The following REC114 variants were observed in gnomAD, a reference collection of about 807,000 sequenced individuals.
REC114 encodes the protein REC114 meiotic recombination protein, also known as meiotic recombination protein REC114.
Under a neutral mutation model 31.3 loss-of-function variants are expected in REC114, and 27 were observed. The observed-to-expected ratio is 0.86, with a 90% CI of 0.64 to 1.19. REC114 has a LOEUF of 1.19. REC114 is among the 50% of genes most tolerant of loss of function. REC114 has a pLI of 0.00. For synonymous variants in REC114, 134 were observed against 127.7 expected, an observed-to-expected ratio of 1.05 and a Z score of -0.33; for missense variants, 344 against 326.9, an observed-to-expected ratio of 1.05 and a Z score of -0.40.
At chr15:73,482,702 A>G (rs10162605) in intron 2 of REC114, among the ~76,000 whole-genome samples, 25,004 of 152,124 alleles carry the variant, frequency 0.16, 3,283 homozygotes, top group African/African-American at 0.37. Context: ...ATATTCTACT[A>G]TAGGTATATA....
chr15:73,520,645 C>A lies in REC114; in HGVS notation c.250-19840C>A, dbSNP rs144280477. Among the ~76,000 whole-genome samples the A allele has an allele frequency of 5.6e-4, 85 of 152,204 alleles. 1 individual carries two copies. The highest frequency in any genetic ancestry group is 1.8e-3 in the African/African-American group (76 of 41,538). ...CACGAACCTCCCTGCCCCATTTTGC[C>A]CTGGATATGCCTCTGAACTATGTGG... On this transcript the variant is annotated intron_variant, in intron 2 of 5. Coordinates refer to ENST00000331090, the MANE Select transcript of REC114 (RefSeq NM_001042367.2).
At chr15:73,448,114 C>T (rs796827386) in intron 1 of REC114, among the ~76,000 whole-genome samples, 6 of 150,726 alleles carry the variant, frequency 4.0e-5, no homozygotes, top group African/African-American at 1.2e-4. Context: ...TTTTTTTTCA[C>T]ACGCCAGTGG....
At chr15:73,497,784 T>C (rs535786584) in intron 2 of REC114, among the ~76,000 whole-genome samples, 6 of 152,320 alleles carry the variant, frequency 3.9e-5, no homozygotes, top group African/African-American at 1.2e-4. Flanking sequence ...TGTCCACTTA[T>C]TTCTATAGGG....
chr15:73,459,013 A>G lies in REC114; in HGVS notation c.160-14819A>G, dbSNP rs749758273. On this transcript the variant is annotated intron_variant, in intron 1 of 5. Transcript: ENST00000331090. ...ATTCTTTGAGCCCCTGGTTGGAATA[A>G]CAAAAACAACTACTTAATGAGTAAT... Among the ~76,000 whole-genome samples, 5 of 152,134 alleles carry G rather than the reference A, an allele frequency of 3.3e-5. 1 individual carries two copies. The highest frequency in any genetic ancestry group is 1.3e-4 in the Admixed American group (2 of 15,274).
At chr15:73,512,186 T>C (rs1396394737) in intron 2 of REC114, among the ~76,000 whole-genome samples, 37 of 127,382 alleles carry the variant, frequency 2.9e-4, no homozygotes, top group African/African-American at 1.4e-3. Context: ...TTGATCTCTT[T>C]ACCATTATGT....
At chr15:73,496,651 C>CA (rs202054841) in intron 2 of REC114, among the ~76,000 whole-genome samples, 6,843 of 84,522 alleles carry the variant, frequency 0.081, 189 homozygotes, top group South Asian at 0.15. Flanking sequence ...AGACTCCATC[C>CA]AAAAAAAAAA....
At chr15:73,534,730 AG>A (rs1481209762) in intron 2 of REC114, among the ~76,000 whole-genome samples, 8 of 131,590 alleles carry the variant, frequency 6.1e-5, no homozygotes, top group Admixed American at 4.3e-4. Flanking sequence ...ACAACAAAAA[AG>A]AGAATTTTAG....
At chr15:73,446,085 A>C (rs948341212) in intron 1 of REC114, among the ~76,000 whole-genome samples, 1 of 152,220 alleles carries the variant, frequency 6.6e-6, no homozygotes. Flanking sequence ...CCATTGCATA[A>C]GCTAATACAT....
rs78956521 is a variant in REC114 at position 73,486,332 on chromosome 15, G to A, written c.249+12411G>A. On this transcript the variant is annotated intron_variant, in intron 2 of 5. Coordinates refer to ENST00000331090, the MANE Select transcript of REC114 (RefSeq NM_001042367.2). ...AGGCTGGTCTCGAGCTCCTGACCGC[G>A]TGATCTGCCCGTCTTGGCCTCCCAA... Among the ~76,000 whole-genome samples the A allele has an allele frequency of 0.017, 2,610 of 152,166 alleles. 145 individuals carry two copies. In the East Asian group the frequency reaches 0.19, roughly 11 times the overall value.
At chr15:73,535,924 G>A (rs1894150010) in intron 2 of REC114, among the ~76,000 whole-genome samples, 1 of 150,294 alleles carries the variant, frequency 6.7e-6, no homozygotes, top group Non-Finnish European at 1.5e-5. Flanking sequence ...AAGCAATGGG[G>A]AAAGGATTCC....
chr15:73,548,344 T>C (rs1466474779), intron 3 of REC114, among the ~76,000 whole-genome samples: 1 of 152,242 alleles, frequency 6.6e-6, no homozygotes, highest in Non-Finnish European at 1.5e-5. Context: ...CTTGACCTTG[T>C]GATCCTCCTG....
Position 73,493,630 on chromosome 15 carries a change from A to T in REC114, c.249+19709A>T, listed in dbSNP as rs116250206. Among the ~76,000 whole-genome samples, 135 of 152,266 alleles carry T rather than the reference A, an allele frequency of 8.9e-4. 1 individual carries two copies. Among genetic ancestry groups the T allele is most frequent in the African/African-American group, 3.2e-3 (134 of 41,532 alleles). ...CTTAGAAACTAATAGTTTCCTTTCA[A>T]ATATTACATAAGAGACCTGGCTAAT... On this transcript the variant is annotated intron_variant, in intron 2 of 5. Coordinates refer to ENST00000331090, the MANE Select transcript of REC114 (RefSeq NM_001042367.2).
At chr15:73,507,560 G>C (rs1023551132) in intron 2 of REC114, among the ~76,000 whole-genome samples, 2 of 152,108 alleles carry the variant, frequency 1.3e-5, no homozygotes, top group African/African-American at 4.8e-5. Flanking sequence ...GAAATGAGAA[G>C]AGGATTTACT....
intron 2 of REC114, among the ~76,000 whole-genome samples, chr15:73,539,281 G>GTTT (rs1894206286): frequency 2.0e-5 from 2 of 101,176 alleles, no homozygotes; most frequent in African/African-American, 8.9e-5. Flanking sequence ...TTTCAGAACT[G>GTTT]ATTTTTTTTT....
intron 2 of REC114, among the ~76,000 whole-genome samples, chr15:73,489,385 TA>T (rs1390603470): frequency 2.0e-5 from 3 of 151,808 alleles, no homozygotes; most frequent in African/African-American, 7.3e-5. Context: ...TGTATTTTTT[TA>T]GTAGAGATGG....
intron 3 of REC114, among the ~76,000 whole-genome samples, chr15:73,548,995 T>C (rs1260415128): frequency 2.0e-5 from 3 of 151,842 alleles, no homozygotes; most frequent in African/African-American, 4.8e-5. Context: ...CATGAATACA[T>C]AGAGGGGAAC....
chr15:73,502,588 C>CAAT (rs1893617661), intron 2 of REC114, among the ~76,000 whole-genome samples: 3 of 152,192 alleles, frequency 2.0e-5, no homozygotes, highest in African/African-American at 7.2e-5. Flanking sequence ...TCTTCATTGT[C>CAAT]ATCATCTTCA....
intron 4 of REC114, among the ~76,000 whole-genome samples, chr15:73,555,269 T>C (rs1288341929): frequency 2.0e-5 from 3 of 152,112 alleles, no homozygotes; most frequent in African/African-American, 4.8e-5. Flanking sequence ...TATTGCACCA[T>C]GAGCTCATAC....
intron 2 of REC114, among the ~76,000 whole-genome samples, chr15:73,475,181 T>C (rs577020753): frequency 2.0e-5 from 3 of 152,348 alleles, no homozygotes; most frequent in Non-Finnish European, 2.9e-5. Flanking sequence ...CTCTGCTCCA[T>C]CTTTTTGCCC....
Sources: allele counts gnomAD v4.1 joint callset (sites outside exome capture counted in the v4.1 genomes callset), GRCh38; gene constraint gnomAD v4.1.1; transcripts MANE v1.5; gene names NCBI Gene and HGNC (gene_info 2026-07-23, HGNC 2026-07-21).